RIF1: variants seen among roughly 807,000 people sequenced by gnomAD.
RIF1 encodes replication timing regulatory factor 1.
RIF1 carries 45 observed loss-of-function variants against 247.1 expected under a neutral mutation model. That is an observed-to-expected ratio of 0.18 (90% CI 0.14 to 0.23). The LOEUF is 0.23. RIF1 is among the 10% of genes least tolerant of loss of function. The probability of loss-of-function intolerance (pLI) is 1.00; values close to 1 mark genes in which losing one functional copy is unlikely to be tolerated. For synonymous variants in RIF1, 1,087 were observed against 978.8 expected (o/e 1.11, Z -2.06); for missense variants, 2,967 against 2,862.5 (o/e 1.04, Z -0.83).
Position 151,475,499 on chromosome 2 carries a change from A to C in RIF1, c.*428A>C. 1 of 172,806 alleles carries C rather than the reference A, an allele frequency of 5.8e-6. No homozygotes were observed. The highest frequency in any genetic ancestry group is 1.2e-5 in the Non-Finnish European group (1 of 81,178). The allele number at this position is 172,806 out of a possible 1,614,324, so 10.7% of individuals were successfully genotyped here. A position where few individuals can be genotyped will look rare whatever the true frequency, so the allele number is the denominator to read the frequency against. On this transcript the variant is annotated 3_prime_UTR_variant, in exon 36 of 36. Transcript: ENST00000444746. ...TTTTGTTTGTTGGTTTGTTTAATTC[A>C]TGTTTGTTGGGACTGAGGTTTAGGA...
At chr2:151,445,311 C>T (rs1266618833) in intron 18 of RIF1, 27 bp from the exon 19 acceptor site, 1 of 1,275,614 alleles carries the variant, frequency 7.8e-7, no homozygotes, top group Admixed American at 1.7e-5. Context: ...GGTAATTTGT[C>T]TAACTTCATT....
At chr2:151,506,682 A>T (rs1224037122) in intron 13 of RIF1, among the ~76,000 whole-genome samples, 1 of 152,226 alleles carries the variant, frequency 6.6e-6, no homozygotes, top group African/African-American at 2.4e-5. Flanking sequence ...CCCTGGGATT[A>T]AAAAATTTAA....
At chr2:151,527,459 G>T in the RIF1 span, 2 of 1,558,766 alleles carry the variant, frequency 1.3e-6, no homozygotes, top group Admixed American at 1.7e-5. Flanking sequence ...AGTTACAATC[G>T]TCTGTGTCTC....
chr2:151,453,107 G>T (rs184046873), intron 21 of RIF1, among the ~76,000 whole-genome samples: 13 of 152,178 alleles, frequency 8.5e-5, no homozygotes, highest in Non-Finnish European at 1.3e-4. Flanking sequence ...TGGAAACTTC[G>T]TATTCCTTTA....
In RIF1 at chr2:151,433,148, ACT is replaced by A; in HGVS notation, c.1000_1001del (p.Leu334SerfsTer22). Reference sequence around the variant, plus strand: ...GAGTTCCATCCATGTGAGAACAGAAACTCTAGCATTAACAAAACTAGAAGTCT... The same window carrying A: ...GAGTTCCATCCATGTGAGAACAGAAACTAGCATTAACAAAACTAGAAGTCT... Reference protein sequence around the residue: ...PLSSIHVRTETLALTKLEVWW... With the variant: ...PLSSIHVRTEXLALTKLEVWW... On this transcript the variant is annotated frameshift_variant, in exon 10 of 36. Coordinates refer to ENST00000444746, the MANE Select transcript of RIF1 (RefSeq NM_018151.5). LOFTEE classifies it high-confidence loss of function. 1 of 1,612,956 alleles carries A rather than the reference ACT, an allele frequency of 6.2e-7. No homozygotes were observed. The highest frequency in any genetic ancestry group is 8.5e-7 in the Non-Finnish European group (1 of 1,179,068).
intron 11 of RIF1, among the ~76,000 whole-genome samples, chr2:151,500,443 T>C (rs919357605): frequency 6.6e-6 from 1 of 151,810 alleles, no homozygotes; most frequent in Admixed American, 6.6e-5. Flanking sequence ...ATTTGTGTGT[T>C]AGAGTTTTTC....
downstream of RIF1, chr2:151,485,830 C>A: frequency 6.2e-7 from 1 of 1,614,094 alleles, no homozygotes; most frequent in Non-Finnish European, 8.5e-7. Context: ...GCCATACATC[C>A]AGCCTTCATC....
intron 10 of RIF1, among the ~76,000 whole-genome samples, chr2:151,498,603 C>T (rs2061999452): frequency 6.6e-6 from 1 of 152,182 alleles, no homozygotes; most frequent in South Asian, 2.1e-4. Context: ...GAACTAATCT[C>T]TGCAGCACTG....
chr2:151,485,680 G>T, downstream of RIF1: 1 of 1,349,446 alleles, frequency 7.4e-7, no homozygotes, highest in African/African-American at 1.4e-5. Flanking sequence ...TGAGAACTTA[G>T]GTAACAGTGG....
chr2:151,490,304 ATCTCTTATAGTAACCATC>A (rs945853011), intron 9 of RIF1: 129 of 1,522,740 alleles, frequency 8.5e-5, no homozygotes, highest in Non-Finnish European at 1.1e-4. Flanking sequence ...TACTCAAAGC[ATCTCTTATAGTAACCATC>A]AATGAGCTGG....
At chr2:151,504,768 C>T (rs1380735729) in intron 12 of RIF1, among the ~76,000 whole-genome samples, 1 of 152,136 alleles carries the variant, frequency 6.6e-6, no homozygotes, top group Non-Finnish European at 1.5e-5. Flanking sequence ...CCAGGGCTTG[C>T]TTGACAAAAG....
rs1023487399 is a variant in RIF1 at position 151,479,143 on chromosome 2, G to C, written c.*4072G>C. ...ACTGCGCTGGTAGATGGGCCTAAGA[G>C]GCTTCAGGCTGTGTTTTAGGTTTTG... On this transcript the variant is annotated 3_prime_UTR_variant, in exon 36 of 36. Coordinates refer to ENST00000444746, the MANE Select transcript of RIF1 (RefSeq NM_018151.5). 3.9e-5 allele frequency: 6 copies of C among 152,268 alleles called. No homozygotes were observed. Among genetic ancestry groups the C allele is most frequent in the Admixed American group, 6.5e-5 (1 of 15,294 alleles). 9.4% of individuals were successfully genotyped at this position (152,268 alleles called of 1,614,324 possible). A position where few individuals can be genotyped will look rare whatever the true frequency, so the allele number is the denominator to read the frequency against.
intron 25 of RIF1, among the ~76,000 whole-genome samples, chr2:151,459,171 GT>G (rs1165125961): frequency 1.3e-5 from 2 of 152,166 alleles, no homozygotes; most frequent in African/African-American, 4.8e-5. Flanking sequence ...ATACATAATT[GT>G]TGCTTTGGAA....
chr2:151,493,776 G>T, intron 9 of RIF1: 1 of 1,562,266 alleles, frequency 6.4e-7, no homozygotes, highest in South Asian at 1.2e-5. Flanking sequence ...CTAAAATACC[G>T]AGCTAAAGTT....
At chr2:151,411,642 C>T (rs1256091016) in intron 3 of RIF1, among the ~76,000 whole-genome samples, 2 of 152,152 alleles carry the variant, frequency 1.3e-5, no homozygotes, top group Non-Finnish European at 1.5e-5. Context: ...CTCAGGTGAT[C>T]CGCCTGCCTC....
chr2:151,474,988 G>A lies in RIF1; in HGVS notation c.7336G>A (p.Glu2446Lys), dbSNP rs144483933. The A allele has an allele frequency of 1.5e-5, 24 of 1,613,448 alleles. No homozygotes were observed. Among genetic ancestry groups the A allele is most frequent in the Admixed American group, 8.3e-5 (5 of 59,976 alleles). The change falls in exon 36 of 36, where the codon GAG becomes AAG. Residue 2446 changes from glutamate to lysine, a missense_variant. Glu to Lys is a moderately conservative substitution (Grantham distance 56). Transcript: ENST00000444746. ...AGGAAGCCAACTATTTGAAATGCAC[G>A]AGAAACTAAGTTGTATGGCAAACTC... ...YSGSQLFEMH[E>K]KLSCMANSVI...
intron 7 of RIF1, among the ~76,000 whole-genome samples, chr2:151,422,672 G>A (rs1183922734): frequency 6.6e-6 from 1 of 151,750 alleles, no homozygotes; most frequent in Non-Finnish European, 1.5e-5. Flanking sequence ...GCTAATTTTT[G>A]TGTTTTTAGT....
chr2:151,410,196 G>T, intron 1 of RIF1, 163 bp downstream of exon 1: 1 of 637,128 alleles, frequency 1.6e-6, no homozygotes, highest in South Asian at 1.8e-5. Flanking sequence ...GGCGGGAGCG[G>T]GCCCAGGCCC....
chr2:151,508,626 A>T (rs2071282966), downstream of RIF1, among the ~76,000 whole-genome samples: 1 of 152,258 alleles, frequency 6.6e-6, no homozygotes, highest in African/African-American at 2.4e-5. Flanking sequence ...CTGAGCCGGC[A>T]GTCAGACAGG....
Sources: allele counts gnomAD v4.1 joint callset (sites outside exome capture counted in the v4.1 genomes callset), GRCh38; gene constraint gnomAD v4.1.1; transcripts MANE v1.5; gene names NCBI Gene and HGNC (gene_info 2026-07-23, HGNC 2026-07-21).